MSI2: variants seen among roughly 807,000 people sequenced by gnomAD.
MSI2 encodes the protein musashi RNA binding protein 2.
Under a neutral mutation model 45.6 loss-of-function variants are expected in MSI2, and 17 were observed. That is an observed-to-expected ratio of 0.37 (90% CI 0.26 to 0.56). MSI2 has a LOEUF of 0.56. Among genes scored for constraint, MSI2 ranks in the 20% least tolerant of loss-of-function variants. MSI2 has a pLI of 0.77. For missense variants in MSI2, 293 were observed against 444.2 expected, an observed-to-expected ratio of 0.66 and a Z score of 3.06; for synonymous variants, 156 against 158.2, an observed-to-expected ratio of 0.99 and a Z score of 0.11.
At chr17:57,637,958 T>C (rs1267014831) in intron 10 of MSI2, among the ~76,000 whole-genome samples, 1 of 152,192 alleles carries the variant, frequency 6.6e-6, no homozygotes, top group African/African-American at 2.4e-5. Flanking sequence ...AAGTCCCCAT[T>C]AAGTCTGCTA....
intron 10 of MSI2, chr17:57,633,139 C>A (rs72834947): frequency 0.042 from 43,223 of 1,022,706 alleles, 1,024 homozygotes; most frequent in South Asian, 0.083. Context: ...TATTTTTTTT[C>A]CCCTGTAAGC....
chr17:57,384,589 C>T (rs964356153), intron 5 of MSI2, among the ~76,000 whole-genome samples: 4 of 152,152 alleles, frequency 2.6e-5, no homozygotes, highest in African/African-American at 7.2e-5. Context: ...CCCTCAGACT[C>T]GAGGGGAGGG....
chr17:57,391,689 T>A (rs2083794711), intron 5 of MSI2, among the ~76,000 whole-genome samples: 2 of 151,970 alleles, frequency 1.3e-5, no homozygotes, highest in East Asian at 1.9e-4. Flanking sequence ...AAAGACTGAG[T>A]TCATACCAAC....
At chr17:57,522,700 T>C (rs2086616758) in intron 6 of MSI2, 1 of 152,076 alleles carries the variant, frequency 6.6e-6, no homozygotes, top group African/African-American at 2.4e-5. Flanking sequence ...AAACTGAGGA[T>C]AGAGGAGGGA....
rs1351189762 is a variant in MSI2 at position 57,684,055 on chromosome 17, C to G, written c.*4538C>G. 4.4e-6 allele frequency: 1 copy of G among 225,760 alleles called. No homozygotes were observed. Among genetic ancestry groups the G allele is most frequent in the African/African-American group, 2.2e-5 (1 of 44,810 alleles). 14.0% of individuals were successfully genotyped at this position (225,760 alleles called of 1,614,324 possible). A position where few individuals can be genotyped will look rare whatever the true frequency, so the allele number is the denominator to read the frequency against. ...TCCAAACACCTGGCTATCAAATAAT[C>G]AGAATGTATTGTCTCAGACAGGATT... On this transcript the variant is annotated 3_prime_UTR_variant, in exon 14 of 14. Coordinates refer to ENST00000284073, the MANE Select transcript of MSI2 (RefSeq NM_138962.4).
chr17:57,496,696 TCTC>T (rs1326987964), intron 6 of MSI2, among the ~76,000 whole-genome samples: 1 of 152,112 alleles, frequency 6.6e-6, no homozygotes, highest in Non-Finnish European at 1.5e-5. Flanking sequence ...GCGCATTCAT[TCTC>T]CTCCCAGGCT....
intron 6 of MSI2, among the ~76,000 whole-genome samples, chr17:57,483,769 C>G (rs930806837): frequency 2.4e-4 from 36 of 152,106 alleles, no homozygotes; most frequent in African/African-American, 8.7e-4. Context: ...ACCTTTACTG[C>G]CAGGATGAAG....
chr17:57,691,811 G>A, the MSI2 span, among the ~76,000 whole-genome samples: 19 of 152,116 alleles, frequency 1.2e-4, no homozygotes, highest in African/African-American at 3.9e-4. Flanking sequence ...TTGTTAAGCT[G>A]TAGGCCTTTT....
intron 6 of MSI2, among the ~76,000 whole-genome samples, chr17:57,457,596 T>C (rs924558848): frequency 6.6e-6 from 1 of 152,124 alleles, no homozygotes; most frequent in Non-Finnish European, 1.5e-5. Context: ...AACCAATTAA[T>C]AAATATTGGG....
At chr17:57,269,874 G>A (rs988213891) in intron 5 of MSI2, among the ~76,000 whole-genome samples, 1 of 152,056 alleles carries the variant, frequency 6.6e-6, no homozygotes, top group Non-Finnish European at 1.5e-5. Flanking sequence ...ATGCATTTTT[G>A]GAATCATGAT....
At chr17:57,535,019 G>C (rs1284568761) in intron 7 of MSI2, among the ~76,000 whole-genome samples, 12 of 152,220 alleles carry the variant, frequency 7.9e-5, no homozygotes, top group Admixed American at 7.8e-4. Context: ...GGGAGGGACA[G>C]GGAGGGAAGA....
chr17:57,470,267 T>C (rs2085408678), intron 6 of MSI2, among the ~76,000 whole-genome samples: 1 of 128,720 alleles, frequency 7.8e-6, no homozygotes, highest in Non-Finnish European at 1.7e-5. Flanking sequence ...AATACCTTCA[T>C]ATTGAAATTT....
intron 5 of MSI2, among the ~76,000 whole-genome samples, chr17:57,370,216 T>C (rs2143955666): frequency 6.6e-6 from 1 of 152,342 alleles, no homozygotes; most frequent in Admixed American, 6.5e-5. Flanking sequence ...AGGCCTGCCC[T>C]GGTGCCTAAG....
chr17:57,346,638 T>C (rs948632210), intron 5 of MSI2, among the ~76,000 whole-genome samples: 1 of 152,128 alleles, frequency 6.6e-6, no homozygotes, highest in Non-Finnish European at 1.5e-5. Context: ...TTAGACAGGG[T>C]CTCACTGCAT....
rs1339822968 is a variant in MSI2, at chr17:57,622,439, T to C, written c.653-4790T>C. ...TTTCTTGGCCTCGTTGGGCACATGC[T>C]GTTTATTTAACATGCTGATACGAGT... On this transcript the variant is annotated intron_variant, in intron 9 of 13. Transcript: ENST00000284073. Among the ~76,000 whole-genome samples, 6 of 152,272 alleles carry C rather than the reference T, an allele frequency of 3.9e-5. 1 individual carries two copies. The South Asian group carries it at 1.2e-3, about 32-fold the overall frequency.
intron 6 of MSI2, among the ~76,000 whole-genome samples, chr17:57,428,483 C>T (rs927552679): frequency 2.0e-5 from 3 of 152,224 alleles, no homozygotes; most frequent in Middle Eastern, 6.8e-3. Context: ...TGGTTCACTG[C>T]AGCCTCAAAC....
At chr17:57,532,669 G>A (rs2086845744) in intron 7 of MSI2, among the ~76,000 whole-genome samples, 2 of 152,210 alleles carry the variant, frequency 1.3e-5, no homozygotes, top group Non-Finnish European at 2.9e-5. Context: ...TCCTCATGCA[G>A]CCACCTTGCC....
At chr17:57,273,415 C>T (rs968700418) in intron 5 of MSI2, among the ~76,000 whole-genome samples, 6 of 150,456 alleles carry the variant, frequency 4.0e-5, no homozygotes, top group Admixed American at 2.0e-4. Context: ...CTGCAGTACA[C>T]GATGTTCAGG....
intron 5 of MSI2, among the ~76,000 whole-genome samples, chr17:57,277,053 CTTTTTTTTTTTTTTTT>C (rs34561938): frequency 8.0e-6 from 1 of 124,996 alleles, no homozygotes; most frequent in Non-Finnish European, 1.7e-5. Flanking sequence ...GTTTTCTTTT[CTTTTTTTTTTTTTTTT>C]TTTTGAGACA....
Sources: gnomAD v4.1 joint callset for allele counts (sites outside exome capture counted in the v4.1 genomes callset) on GRCh38, gnomAD v4.1.1 for gene constraint, MANE v1.5 for transcripts, NCBI Gene and HGNC (gene_info 2026-07-23, HGNC 2026-07-21) for gene names.